Variants in EXOC6B observed in about 807,000 individuals in gnomAD.
EXOC6B encodes SEC15 homolog B.
EXOC6B carries 54 observed loss-of-function variants against 113.5 expected under a neutral mutation model. The observed-to-expected ratio is 0.48, with a 90% confidence interval of 0.38 to 0.60. EXOC6B has a LOEUF of 0.60. Ranked by LOEUF, EXOC6B falls within the 20% of genes least tolerant of loss-of-function variation. EXOC6B has a pLI of 0.00. For synonymous variants in EXOC6B, 357 were observed against 339.0 expected, an observed-to-expected ratio of 1.05 and a Z score of -0.58; for missense variants, 797 against 977.5, an observed-to-expected ratio of 0.82 and a Z score of 2.46.
intron 1 of EXOC6B, among the ~76,000 whole-genome samples, chr2:72,816,237 T>C (rs1686238696): frequency 6.6e-6 from 1 of 150,678 alleles, no homozygotes; most frequent in South Asian, 2.1e-4. Flanking sequence ...GCATTATTTT[T>C]TCTGGCAAAA....
chr2:72,355,089 C>T (rs1689894085), intron 19 of EXOC6B, among the ~76,000 whole-genome samples: 1 of 152,202 alleles, frequency 6.6e-6, no homozygotes, highest in Admixed American at 6.5e-5. Flanking sequence ...TTTCATCCTA[C>T]ACATTCCCAC....
At chr2:72,376,022 G>A (rs551430331) in intron 19 of EXOC6B, among the ~76,000 whole-genome samples, 78 of 152,192 alleles carry the variant, frequency 5.1e-4, no homozygotes, top group African/African-American at 1.8e-3. Flanking sequence ...GCCACATTCT[G>A]TTGGTTACAA....
intron 6 of EXOC6B, among the ~76,000 whole-genome samples, chr2:72,646,941 T>G (rs1198031798): frequency 6.6e-6 from 1 of 152,182 alleles, no homozygotes; most frequent in Non-Finnish European, 1.5e-5. Flanking sequence ...ATGTTGGAAG[T>G]TCTGGCCAGG....
chr2:72,438,256 G>C (rs656370), intron 18 of EXOC6B, among the ~76,000 whole-genome samples: 18,821 of 150,842 alleles, frequency 0.12, 1,308 homozygotes, highest in African/African-American at 0.2. Context: ...AAAAACACCA[G>C]AAAGAAAAAT....
chr2:72,193,779 G>C (rs949035706), intron 20 of EXOC6B, among the ~76,000 whole-genome samples: 1 of 152,074 alleles, frequency 6.6e-6, no homozygotes, highest in Non-Finnish European at 1.5e-5. Flanking sequence ...AGACAAATGA[G>C]GCCTCATATG....
intron 11 of EXOC6B, among the ~76,000 whole-genome samples, chr2:72,500,635 G>A (rs1426229710): frequency 1.3e-5 from 2 of 151,688 alleles, no homozygotes; most frequent in Non-Finnish European, 2.9e-5. Flanking sequence ...TAAGTACAGA[G>A]GAAAATAAAA....
At chr2:72,316,512 T>C (rs111615754) in intron 20 of EXOC6B, among the ~76,000 whole-genome samples, 5 of 152,174 alleles carry the variant, frequency 3.3e-5, no homozygotes, top group African/African-American at 1.2e-4. Flanking sequence ...AAACTGATAA[T>C]GAAGAGCAAG....
chr2:72,470,118 T>C (rs887991510), intron 17 of EXOC6B, among the ~76,000 whole-genome samples: 2 of 152,164 alleles, frequency 1.3e-5, no homozygotes, highest in African/African-American at 2.4e-5. Flanking sequence ...CTGTAAAAGA[T>C]GACACTGATA....
chr2:72,492,381 T>C lies in EXOC6B; in HGVS notation c.1602A>G (p.Leu534=). The change falls in exon 16 of 22, where the codon CTA becomes CTG. Residue 534 remains leucine, a synonymous_variant. Transcript: ENST00000272427. ...GCAGAGAGTTGCTCAGAGTCCTGGT[T>C]AGCAACAGGTTTGTTGATTTCCGAA... ...DMIRKSTNLL[L]TRTLSNSLQN... is the part of the protein sequence containing the mutation. 3 of 1,613,034 alleles carry C rather than the reference T, an allele frequency of 1.9e-6. No homozygotes were observed. Among genetic ancestry groups the C allele is most frequent in the Non-Finnish European group, 2.5e-6 (3 of 1,179,170 alleles).
intron 1 of EXOC6B, among the ~76,000 whole-genome samples, chr2:72,796,223 CGGGT>C (rs1254260645): frequency 2.0e-5 from 3 of 151,008 alleles, no homozygotes; most frequent in Non-Finnish European, 4.4e-5. Context: ...AAGGCCGAGG[CGGGT>C]GGATCACCTG....
At chr2:72,718,080 C>CCT (rs1679743919) in intron 6 of EXOC6B, 23 bp downstream of exon 6, 1 of 1,571,954 alleles carries the variant, frequency 6.4e-7, no homozygotes, top group African/African-American at 1.4e-5. Flanking sequence ...CACTGGCCAA[C>CCT]CTATCATAAA....
chr2:72,343,325 G>A (rs1689143484), intron 19 of EXOC6B, among the ~76,000 whole-genome samples: 2 of 152,282 alleles, frequency 1.3e-5, no homozygotes, highest in Non-Finnish European at 2.9e-5. Flanking sequence ...TGCTTGGGAG[G>A]CTGAGGCACA....
At chr2:72,778,020 C>T (rs1178635231) in intron 1 of EXOC6B, among the ~76,000 whole-genome samples, 4 of 151,804 alleles carry the variant, frequency 2.6e-5, no homozygotes, top group Non-Finnish European at 1.5e-5. Flanking sequence ...ATGGAGAAAC[C>T]AAGGAACAAA....
intron 17 of EXOC6B, among the ~76,000 whole-genome samples, chr2:72,467,446 C>T (rs554423123): frequency 3.9e-5 from 6 of 152,278 alleles, no homozygotes; most frequent in African/African-American, 1.4e-4. Flanking sequence ...TTTACATTCC[C>T]AAGACCATAC....
chr2:72,403,916 C>T (rs1173759287), intron 18 of EXOC6B, among the ~76,000 whole-genome samples: 2 of 152,086 alleles, frequency 1.3e-5, no homozygotes, highest in African/African-American at 4.8e-5. Flanking sequence ...CAAGGCATCG[C>T]CTCACCCAGG....
chr2:72,792,689 A>T (rs1474219258), intron 1 of EXOC6B, among the ~76,000 whole-genome samples: 1 of 151,030 alleles, frequency 6.6e-6, no homozygotes, highest in African/African-American at 2.5e-5. Context: ...AGTTCACAGT[A>T]AAAAAACCGA....
chr2:72,741,673 A>G (rs1483450605), intron 1 of EXOC6B, among the ~76,000 whole-genome samples: 1 of 152,198 alleles, frequency 6.6e-6, no homozygotes, highest in Non-Finnish European at 1.5e-5. Flanking sequence ...TGACTGCCTG[A>G]CAGTATTTGT....
chr2:72,256,288 A>G (rs930294150), intron 20 of EXOC6B, among the ~76,000 whole-genome samples: 20 of 152,318 alleles, frequency 1.3e-4, no homozygotes, highest in African/African-American at 4.8e-4. Context: ...TTCTTGCTTT[A>G]AGCCATTAAG....
intron 3 of EXOC6B, among the ~76,000 whole-genome samples, chr2:72,731,707 C>T (rs562430829): frequency 6.6e-6 from 1 of 152,164 alleles, no homozygotes; most frequent in African/African-American, 2.4e-5. Context: ...GTGAGACAAA[C>T]TTCTTCAAAA....
Sources: allele counts gnomAD v4.1 joint callset (sites outside exome capture counted in the v4.1 genomes callset), GRCh38; gene constraint gnomAD v4.1.1; transcripts MANE v1.5; gene names NCBI Gene and HGNC (gene_info 2026-07-23, HGNC 2026-07-21).